DTNA: variants seen among roughly 807,000 people sequenced by gnomAD.
DTNA encodes dystrophin-related protein 3.
DTNA carries 43 observed loss-of-function variants against 100.7 expected under a neutral mutation model. The ratio of observed to expected loss-of-function variants is 0.43; its 90% CI spans 0.33 to 0.55. The LOEUF is 0.55. Among genes scored for constraint, DTNA ranks in the 20% least tolerant of loss-of-function variants. The probability of loss-of-function intolerance (pLI) is 0.04; values close to 1 mark genes in which losing one functional copy is unlikely to be tolerated. For synonymous variants in DTNA, 349 were observed against 347.9 expected, an observed-to-expected ratio of 1.00 and a Z score of -0.04; for missense variants, 798 against 953.9, an observed-to-expected ratio of 0.84 and a Z score of 2.15.
chr18:34,594,582 G>A (rs2050206469), intron 1 of DTNA, among the ~76,000 whole-genome samples: 1 of 152,188 alleles, frequency 6.6e-6, no homozygotes, highest in African/African-American at 2.4e-5. Context: ...AATGAACTAA[G>A]TTGGCTAAAC....
At chr18:34,507,800 A>T (rs2040635569) in intron 1 of DTNA, among the ~76,000 whole-genome samples, 2 of 152,168 alleles carry the variant, frequency 1.3e-5, no homozygotes, top group South Asian at 4.1e-4. Context: ...AATCTGTCTT[A>T]TAGCCAGCTA....
chr18:34,690,394 C>T (rs2079576995), intron 1 of DTNA, among the ~76,000 whole-genome samples: 1 of 152,158 alleles, frequency 6.6e-6, no homozygotes, highest in Non-Finnish European at 1.5e-5. Flanking sequence ...GAGGGAGTTC[C>T]CTAACCTCTT....
chr18:34,500,552 C>T (rs1028606036), intron 1 of DTNA, among the ~76,000 whole-genome samples: 10 of 151,604 alleles, frequency 6.6e-5, no homozygotes, highest in Non-Finnish European at 1.2e-4. Flanking sequence ...CAACCTCCGC[C>T]TCCCCGATTC....
intron 1 of DTNA, among the ~76,000 whole-genome samples, chr18:34,739,620 A>T (rs1486823797): frequency 1.3e-5 from 2 of 152,158 alleles, no homozygotes; most frequent in Non-Finnish European, 2.9e-5. Context: ...TATTCATTTC[A>T]TGATAGGCAT....
At chr18:34,848,210 A>G in intron 13 of DTNA, 86 bp from the exon 14 acceptor site, 2 of 1,318,580 alleles carry the variant, frequency 1.5e-6, no homozygotes, top group Admixed American at 3.6e-5. Context: ...CAAAACATTG[A>G]AATAGTAAAA....
At chr18:34,602,977 C>G (rs1256511041) in intron 1 of DTNA, among the ~76,000 whole-genome samples, 1 of 150,016 alleles carries the variant, frequency 6.7e-6, no homozygotes, top group Non-Finnish European at 1.5e-5. Flanking sequence ...TACTCCAGCC[C>G]GGGCGACAGT....
At chr18:34,610,106 G>A (rs1315300087) in intron 1 of DTNA, among the ~76,000 whole-genome samples, 1 of 152,102 alleles carries the variant, frequency 6.6e-6, no homozygotes, top group African/African-American at 2.4e-5. Context: ...GTTGGAGTTT[G>A]CATCAGAGGA....
intron 1 of DTNA, among the ~76,000 whole-genome samples, chr18:34,729,922 A>T (rs1219760092): frequency 6.6e-6 from 1 of 151,926 alleles, no homozygotes; most frequent in Admixed American, 6.6e-5. Flanking sequence ...GACACACTAG[A>T]TAAGTCTAGA....
intron 13 of DTNA, among the ~76,000 whole-genome samples, chr18:34,842,150 G>A (rs145095161): frequency 1.8e-4 from 27 of 152,250 alleles, no homozygotes; most frequent in African/African-American, 2.9e-4. Context: ...AAGGTCTGTA[G>A]TAGACCAACC....
intron 1 of DTNA, among the ~76,000 whole-genome samples, chr18:34,505,114 C>T (rs1049447864): frequency 1.3e-5 from 2 of 152,160 alleles, no homozygotes; most frequent in African/African-American, 2.4e-5. Flanking sequence ...ACAGGGCTAA[C>T]GTCAAGGTGT....
intron 1 of DTNA, among the ~76,000 whole-genome samples, chr18:34,722,730 C>G (rs908366790): frequency 1.3e-5 from 2 of 152,082 alleles, no homozygotes; most frequent in Non-Finnish European, 1.5e-5. Flanking sequence ...GTCCCTCCCC[C>G]ATCCCAAGCA....
intron 1 of DTNA, among the ~76,000 whole-genome samples, chr18:34,506,687 T>A (rs1304332887): frequency 1.3e-5 from 2 of 152,206 alleles, no homozygotes; most frequent in African/African-American, 2.4e-5. Context: ...TTCCAGTTTC[T>A]TTAGCCCCAA....
intron 1 of DTNA, among the ~76,000 whole-genome samples, chr18:34,508,015 C>T (rs573327873): frequency 1.3e-5 from 2 of 152,156 alleles, no homozygotes; most frequent in South Asian, 4.2e-4. Context: ...AATGCATTAC[C>T]TAAAACTATC....
intron 1 of DTNA, among the ~76,000 whole-genome samples, chr18:34,679,162 A>G (rs1462762855): frequency 6.6e-6 from 1 of 152,244 alleles, no homozygotes; most frequent in Non-Finnish European, 1.5e-5. Flanking sequence ...ATAGAGCTAT[A>G]TCAGGAACCC....
chr18:34,546,850 C>T (rs1378531931), intron 1 of DTNA, among the ~76,000 whole-genome samples: 1 of 151,838 alleles, frequency 6.6e-6, no homozygotes, highest in Non-Finnish European at 1.5e-5. Context: ...GCTGAGATTA[C>T]ATGTGTGTGC....
intron 22 of DTNA, among the ~76,000 whole-genome samples, chr18:34,885,891 C>G (rs1348465586): frequency 2.6e-5 from 4 of 152,202 alleles, no homozygotes; most frequent in Admixed American, 1.3e-4. Context: ...GGCTAGGATG[C>G]AGCTACATGT....
At chr18:34,764,850 A>G (rs149164037) in intron 2 of DTNA, among the ~76,000 whole-genome samples, 9 of 152,358 alleles carry the variant, frequency 5.9e-5, no homozygotes, top group Admixed American at 2.6e-4. Flanking sequence ...ATGCCTTTAT[A>G]TCTGTTATGG....
chr18:34,782,642 A>T (rs931944551), intron 3 of DTNA, among the ~76,000 whole-genome samples: 1 of 152,166 alleles, frequency 6.6e-6, no homozygotes, highest in African/African-American at 2.4e-5. Context: ...AGGCTAAGTA[A>T]AGGCACATAC....
intron 1 of DTNA, among the ~76,000 whole-genome samples, chr18:34,542,463 T>G (rs908435817): frequency 9.2e-5 from 14 of 152,164 alleles, no homozygotes; most frequent in African/African-American, 3.4e-4. Context: ...ACTGAATGCT[T>G]CTTTGGTTTT....
Sources: allele counts gnomAD v4.1 joint callset (sites outside exome capture counted in the v4.1 genomes callset), GRCh38; gene constraint gnomAD v4.1.1; transcripts MANE v1.5; gene names NCBI Gene and HGNC (gene_info 2026-07-23, HGNC 2026-07-21).